NFIB: variants seen among roughly 807,000 people sequenced by gnomAD.
NFIB encodes nuclear factor I B, also known as nuclear factor 1 B-type.
Under a neutral mutation model 61.5 loss-of-function variants are expected in NFIB, and 11 were observed. That is an observed-to-expected ratio of 0.18 (90% CI 0.11 to 0.30). The LOEUF is 0.30. Among genes scored for constraint, NFIB ranks in the 10% least tolerant of loss-of-function variants. The pLI, the probability that NFIB is intolerant of heterozygous loss-of-function variation, is 1.00. For synonymous variants in NFIB, 260 were observed against 216.5 expected, an observed-to-expected ratio of 1.20 and a Z score of -1.76; for missense variants, 471 against 608.9, an observed-to-expected ratio of 0.77 and a Z score of 2.38.
chr9:14,152,601 C>T lies in NFIB; in HGVS notation c.686-2336G>A, dbSNP rs76130079. ...CTATTTTCAATTTATTAAGCTCATG[C>T]AATATTTAGGCAAAGATTTATAGTT... is the stretch of plus-strand genomic sequence containing the variant. On this transcript the variant is annotated intron_variant, in intron 4 of 10. Coordinates refer to ENST00000380953, the MANE Select transcript of NFIB (RefSeq NM_001190737.2). Among the ~76,000 whole-genome samples the T allele has an allele frequency of 3.3e-5, 5 of 152,088 alleles. No individual in the cohort carries two copies. In the East Asian group the frequency reaches 9.7e-4, roughly 29 times the overall value.
Position 14,313,494 on chromosome 9 carries a change from G to C in NFIB, c.18C>G (p.Ile6Met). 6.2e-7 allele frequency: 1 copy of C among 1,614,100 alleles called. No individual in the cohort carries two copies. Reference sequence around the variant, plus strand: ...CCGAGACATGTACCTGAGTGAGACAGATGGGAGAATACATCATGACTTCGC... The same window carrying C: ...CCGAGACATGTACCTGAGTGAGACACATGGGAGAATACATCATGACTTCGC... MMYSP[I>M]CLTQDEFHPF... is the part of the protein sequence containing the mutation. The change falls in exon 1 of 11, where the codon ATC becomes ATG. Residue 6 changes from isoleucine (I) to methionine (M), a missense_variant. Transcript: ENST00000380953. This position sits in a 1 kb window ranked among gnomAD's most constrained non-coding sequence, Gnocchi z 4.5.
chr9:14,083,217 C>G lies in NFIB; in HGVS notation c.*5092G>C, dbSNP rs769716941. On this transcript the variant is annotated 3_prime_UTR_variant, in exon 11 of 11. Coordinates refer to ENST00000380953, the MANE Select transcript of NFIB (RefSeq NM_001190737.2). ...CAATGTGACCAACAGATCTGTGGCA[C>G]GGACACAGTACAAAGAGTTGTCATG... is the stretch of plus-strand genomic sequence containing the variant. 2.2e-5 allele frequency: 5 copies of G among 223,318 alleles called. No individual in the cohort carries two copies. The highest frequency in any genetic ancestry group is 9.0e-5 in the African/African-American group (4 of 44,654). 13.8% of individuals were successfully genotyped at this position (223,318 alleles called of 1,614,324 possible).
At chr9:14,317,104 C>T (rs2060561268), upstream of NFIB, 1 of 152,100 alleles carries the variant, frequency 6.6e-6, no homozygotes, top group Admixed American at 6.5e-5. Flanking sequence ...GCCGTTGTCC[C>T]CTGGCAAAAA....
the NFIB span, among the ~76,000 whole-genome samples, chr9:14,515,518 G>T: frequency 6.6e-6 from 1 of 152,042 alleles, no homozygotes; most frequent in Non-Finnish European, 1.5e-5. Context: ...CTCTAGTGTG[G>T]TGCCAGGAAC....
At chr9:14,454,751 A>C in the NFIB span, among the ~76,000 whole-genome samples, 2 of 152,328 alleles carry the variant, frequency 1.3e-5, no homozygotes, top group African/African-American at 4.8e-5. Context: ...TCTCTACCAG[A>C]ATGTTATAGT....
At chr9:14,438,998 C>T in the NFIB span, among the ~76,000 whole-genome samples, 5 of 152,120 alleles carry the variant, frequency 3.3e-5, no homozygotes, top group Admixed American at 2.0e-4. Flanking sequence ...AGAAAAGTGT[C>T]GGCCGGAAGG....
Position 14,084,996 on chromosome 9 carries a change from A to C in NFIB, c.*3313T>G. On this transcript the variant is annotated 3_prime_UTR_variant, in exon 11 of 11. Transcript: ENST00000380953. ...AAGAGAGCGAGTCTGCCTTTAAAAA[A>C]TACTGTGTGTCCTGTGAGGTTCATT... The C allele has an allele frequency of 4.4e-6, 1 of 229,566 alleles. No homozygotes were observed. 14.2% of individuals were successfully genotyped at this position (229,566 alleles called of 1,614,324 possible). A position where few individuals can be genotyped will look rare whatever the true frequency, so the allele number is the denominator to read the frequency against.
chr9:14,504,171 G>A, the NFIB span, among the ~76,000 whole-genome samples: 3 of 152,128 alleles, frequency 2.0e-5, no homozygotes, highest in Non-Finnish European at 4.4e-5. Flanking sequence ...CCTCTATTCT[G>A]TTCCGTTGGT....
intron 1 of NFIB, among the ~76,000 whole-genome samples, chr9:14,329,464 C>T (rs1446889195): frequency 6.6e-6 from 1 of 152,104 alleles, no homozygotes; most frequent in Non-Finnish European, 1.5e-5. Context: ...CACCTGACCC[C>T]CCTGCAAATC....
intron 1 of NFIB, among the ~76,000 whole-genome samples, chr9:14,368,111 G>A (rs918391468): frequency 1.3e-5 from 2 of 151,148 alleles, no homozygotes; most frequent in African/African-American, 4.9e-5. Flanking sequence ...AAACCTGCAC[G>A]TTCTGCACAT....
At chr9:14,458,427 T>A in the NFIB span, among the ~76,000 whole-genome samples, 1 of 152,078 alleles carries the variant, frequency 6.6e-6, no homozygotes, top group African/African-American at 2.4e-5. Flanking sequence ...ATGGGCAATA[T>A]CTGGAAGCAT....
At chr9:14,422,536 ATTACT>A in the NFIB span, among the ~76,000 whole-genome samples, 1 of 152,210 alleles carries the variant, frequency 6.6e-6, no homozygotes, top group Non-Finnish European at 1.5e-5. Flanking sequence ...TCTAGCTTAA[ATTACT>A]TTAAGAAGGC....
At chr9:14,403,753 G>C (rs935965971), upstream of NFIB, among the ~76,000 whole-genome samples, 2 of 152,160 alleles carry the variant, frequency 1.3e-5, no homozygotes, top group African/African-American at 4.8e-5. Flanking sequence ...ATATTGTCAT[G>C]TAATATCAGT....
chr9:14,418,908 G>A, the NFIB span, among the ~76,000 whole-genome samples: 3 of 152,114 alleles, frequency 2.0e-5, no homozygotes, highest in African/African-American at 7.2e-5. Context: ...GCTTTAGGTT[G>A]ATTTATAGTC....
the NFIB span, among the ~76,000 whole-genome samples, chr9:14,529,625 T>C: frequency 0.23 from 35,142 of 152,140 alleles, 4,280 homozygotes; most frequent in Middle Eastern, 0.34. Context: ...TCATTTAGTT[T>C]GATTAATTAG....
chr9:14,216,546 C>CTCTGTGTG (rs2050942500), intron 2 of NFIB, among the ~76,000 whole-genome samples: 4 of 21,512 alleles, frequency 1.9e-4, no homozygotes, highest in Admixed American at 8.3e-4. Flanking sequence ...CTCTCTCCCT[C>CTCTGTGTG]TGTGTGTGTG....
chr9:14,341,234 T>C (rs1311434473), intron 1 of NFIB, among the ~76,000 whole-genome samples: 1 of 152,116 alleles, frequency 6.6e-6, no homozygotes, highest in Non-Finnish European at 1.5e-5. Context: ...CTCACAGCTG[T>C]CAGAACTGGG....
In NFIB at chr9:14,086,772, ATTTTTTTGTTTTTT is replaced by A. The variant is rs1373876206; in HGVS notation, c.*1523_*1536del. The stretch of plus-strand genomic sequence containing the variant: ...AAGTGTAGTGATGTCACTTTGTTGT[ATTTTTTTGTTTTTT>A]TTTTTTTGTTTTTTGTTTTTTAGAT... On this transcript the variant is annotated 3_prime_UTR_variant, in exon 11 of 11. Transcript: ENST00000380953. 3.5e-5 allele frequency: 7 copies of A among 200,832 alleles called. No individual in the cohort carries two copies. Among genetic ancestry groups the A allele is most frequent in the South Asian group, 1.9e-4 (1 of 5,134 alleles). 12.4% of individuals were successfully genotyped at this position (200,832 alleles called of 1,614,324 possible). A position where few individuals can be genotyped will look rare whatever the true frequency, so the allele number is the denominator to read the frequency against.
chr9:14,490,629 T>C, the NFIB span, among the ~76,000 whole-genome samples: 6 of 151,752 alleles, frequency 4.0e-5, no homozygotes, highest in African/African-American at 1.5e-4. Flanking sequence ...AGTAGAAAAA[T>C]GGGTAGAAAA....
Sources: allele counts gnomAD v4.1 joint callset (sites outside exome capture counted in the v4.1 genomes callset), GRCh38; gene constraint gnomAD v4.1.1; non-coding constraint Gnocchi (gnomAD v3.1); transcripts MANE v1.5; gene names NCBI Gene and HGNC (gene_info 2026-07-23, HGNC 2026-07-21).